The following CLSTN1 variants were observed in gnomAD, a reference collection of about 807,000 sequenced individuals.
The protein encoded by CLSTN1 is calsyntenin-1.
Under a neutral mutation model 108.3 loss-of-function variants are expected in CLSTN1, and 28 were observed. That is an observed-to-expected ratio of 0.26 (90% CI 0.19 to 0.35). CLSTN1 has a LOEUF of 0.35. Ranked by LOEUF, CLSTN1 falls within the 10% of genes least tolerant of loss-of-function variation. The pLI is 1.00. For missense variants in CLSTN1, 1,157 were observed against 1,302.6 expected, an observed-to-expected ratio of 0.89 and a Z score of 1.72; for synonymous variants, 524 against 534.9, an observed-to-expected ratio of 0.98 and a Z score of 0.28.
At position 9,732,047 on chromosome 1, in the gene CLSTN1, G is replaced by GAA. The variant is rs78478290; in HGVS notation, c.2428-153_2428-152dup. On this transcript the variant is annotated intron_variant, in intron 16 of 18. Transcript: ENST00000377298. Reference sequence around the variant, plus strand: ...CAAACGGAGCTACGGGAAAAGGACAGAAAAAAAAATCAAGAGTAAGCACTT... The same window carrying GAA: ...CAAACGGAGCTACGGGAAAAGGACAGAAAAAAAAAAATCAAGAGTAAGCACTT... The GAA allele has an allele frequency of 7.4e-3, 4,176 of 566,402 alleles. 2 individuals are homozygous for GAA. The highest frequency in any genetic ancestry group is 9.7e-3 in the South Asian group (327 of 33,792). 35.1% of individuals were successfully genotyped at this position (566,402 alleles called of 1,614,324 possible). A position where few individuals can be genotyped will look rare whatever the true frequency, so the allele number is the denominator to read the frequency against.
intron 18 of CLSTN1, 180 bp downstream of exon 18, chr1:9,731,026 G>C: frequency 1.4e-6 from 1 of 698,930 alleles, no homozygotes; most frequent in South Asian, 1.7e-5. Flanking sequence ...AAGGCAGAAC[G>C]GCCTTGAATA....
At position 9,729,023 on chromosome 1, in the gene CLSTN1, GAGTT is replaced by G. The variant is rs529632901; in HGVS notation, c.*1481_*1484del. ...GAGAAGACAAACCCCGCTCCGGCTGGAGTTAGTTAGAACCAGAACTTTATTGTAG... is the reference window on the plus strand; with the variant it reads ...GAGAAGACAAACCCCGCTCCGGCTGGAGTTAGAACCAGAACTTTATTGTAG... On this transcript the variant is annotated 3_prime_UTR_variant, in exon 19 of 19. Transcript: ENST00000377298. The G allele has an allele frequency of 4.2e-4, 64 of 152,360 alleles. No individual in the cohort carries two copies. The highest frequency in any genetic ancestry group is 1.5e-3 in the African/African-American group (61 of 41,582). The allele number at this position is 152,360 out of a possible 1,614,324, so 9.4% of individuals were successfully genotyped here.
intron 7 of CLSTN1, among the ~76,000 whole-genome samples, chr1:9,748,990 A>C (rs574764664): frequency 6.6e-6 from 1 of 151,446 alleles, no homozygotes; most frequent in Non-Finnish European, 1.5e-5. Flanking sequence ...CTGCAGCCTC[A>C]ACCTCCCGGG....
At chr1:9,812,776 A>G (rs890479863) in intron 1 of CLSTN1, among the ~76,000 whole-genome samples, 3 of 147,654 alleles carry the variant, frequency 2.0e-5, no homozygotes, top group African/African-American at 7.5e-5. Context: ...TGAACCCAGG[A>G]GGTGGAGGTT....
chr1:9,819,683 C>A (rs549028290), intron 1 of CLSTN1, among the ~76,000 whole-genome samples: 104 of 152,144 alleles, frequency 6.8e-4, no homozygotes, highest in African/African-American at 2.4e-3. Flanking sequence ...TCCAGTTAAC[C>A]GAGTGAATGC....
intron 5 of CLSTN1, among the ~76,000 whole-genome samples, chr1:9,750,707 C>T (rs1286628306): frequency 6.0e-5 from 6 of 99,330 alleles, no homozygotes; most frequent in African/African-American, 5.2e-4. Flanking sequence ...GCAAGACCTT[C>T]CCTCAAACAA....
chr1:9,784,855 A>G (rs1459575618), intron 1 of CLSTN1, among the ~76,000 whole-genome samples: 1 of 152,160 alleles, frequency 6.6e-6, no homozygotes, highest in Non-Finnish European at 1.5e-5. Flanking sequence ...AAGTATCTTA[A>G]ACTCTAAGTT....
intron 3 of CLSTN1, 116 bp from the exon 4 acceptor site, chr1:9,755,425 G>A (rs962429892): frequency 6.2e-6 from 5 of 809,188 alleles, no homozygotes; most frequent in South Asian, 1.8e-5. Context: ...TTGGCAGCCA[G>A]GGGTTTGGAG....
intron 2 of CLSTN1, among the ~76,000 whole-genome samples, chr1:9,768,963 G>A (rs1652521522): frequency 7.2e-6 from 1 of 139,730 alleles, no homozygotes; most frequent in Non-Finnish European, 1.6e-5. Context: ...GAGGAAAAGG[G>A]GGAAGGAGGG....
At chr1:9,816,625 C>A (rs1427513062) in intron 1 of CLSTN1, among the ~76,000 whole-genome samples, 1 of 151,002 alleles carries the variant, frequency 6.6e-6, no homozygotes, top group South Asian at 2.1e-4. Context: ...GTCACCCAGG[C>A]TGGAGTGCAG....
rs189672863 is a variant in CLSTN1 at position 9,787,529 on chromosome 1, G to A, written c.92-14135C>T. 9.7e-3 allele frequency among the ~76,000 whole-genome samples: 1,453 copies of A among 149,754 alleles called. 37 individuals are homozygous for A. The highest frequency in any genetic ancestry group is 0.02 in the South Asian group (88 of 4,464). ...CGCCATTCTCCTGCCTCAGCCTCCC[G>A]GGTAGCTGGGACTACAGGCACCTGC... is the stretch of plus-strand genomic sequence containing the variant. On this transcript the variant is annotated intron_variant, in intron 1 of 18. Transcript: ENST00000377298.
intron 17 of CLSTN1, 129 bp downstream of exon 17, chr1:9,731,632 G>T: frequency 2.0e-6 from 2 of 1,016,000 alleles, no homozygotes; most frequent in South Asian, 1.4e-5. Context: ...TTCCTTGTGT[G>T]TGATGGGGAA....
intron 17 of CLSTN1, 66 bp downstream of exon 17, chr1:9,731,695 C>T (rs1163581034): frequency 3.1e-5 from 48 of 1,537,538 alleles, no homozygotes; most frequent in East Asian, 6.8e-5. Context: ...GCTGTGCCCA[C>T]GGTGGGGTGG....
intron 1 of CLSTN1, among the ~76,000 whole-genome samples, chr1:9,804,071 A>C (rs1654399094): frequency 1.3e-5 from 2 of 152,158 alleles, no homozygotes; most frequent in Non-Finnish European, 2.9e-5. Context: ...TTCCCTTATT[A>C]AAGGCGAGGG....
rs1339680022 is a variant in CLSTN1 at position 9,744,022 on chromosome 1, T to C, written c.1235-17A>G. 6.2e-7 allele frequency: 1 copy of C among 1,609,016 alleles called. No individual in the cohort carries two copies. On this transcript the variant is annotated splice_polypyrimidine_tract_variant and intron_variant, in intron 8 of 18. Transcript: ENST00000377298. ...GATTCATATCTGCAAAGGCAGTTTCTATGGGTAAATTGCCAACTAAAGATC... is the reference window on the plus strand; with the variant it reads ...GATTCATATCTGCAAAGGCAGTTTCCATGGGTAAATTGCCAACTAAAGATC...
At chr1:9,783,249 C>A (rs1653332047) in intron 1 of CLSTN1, among the ~76,000 whole-genome samples, 1 of 152,122 alleles carries the variant, frequency 6.6e-6, no homozygotes, top group South Asian at 2.1e-4. Context: ...AGAAGATAAA[C>A]CTGATTGTAA....
intron 2 of CLSTN1, among the ~76,000 whole-genome samples, chr1:9,772,935 G>C (rs1357400923): frequency 6.6e-6 from 1 of 152,122 alleles, no homozygotes; most frequent in African/African-American, 2.4e-5. Flanking sequence ...CAGAATCTCA[G>C]GTCCTCCCAG....
In CLSTN1 at chr1:9,790,159, C is replaced by T. The variant is rs987227021; in HGVS notation, c.92-16765G>A. 3.3e-5 allele frequency among the ~76,000 whole-genome samples: 5 copies of T among 151,248 alleles called. No homozygotes were observed. In the Admixed American group the frequency reaches 3.4e-4, roughly 10 times the overall value. ...AGGGTAAGTTTGTGTTGTTTCACTC[C>T]GAATTCCGCTATGAAAGAAAAATGA... On this transcript the variant is annotated intron_variant, in intron 1 of 18. Transcript: ENST00000377298.
upstream of CLSTN1, chr1:9,824,261 C>T (rs1306607560): frequency 1.3e-5 from 2 of 151,624 alleles, no homozygotes; most frequent in Admixed American, 6.6e-5. This position sits in a 1 kb window ranked among gnomAD's most constrained non-coding sequence, Gnocchi z 5.0. Context: ...TCCCTGGCCG[C>T]AGATGGAGAG....
Sources: allele counts gnomAD v4.1 joint callset (sites outside exome capture counted in the v4.1 genomes callset), GRCh38; gene constraint gnomAD v4.1.1; non-coding constraint Gnocchi (gnomAD v3.1); transcripts MANE v1.5; gene names NCBI Gene and HGNC (gene_info 2026-07-23, HGNC 2026-07-21).